SDK1: variants seen among roughly 807,000 people sequenced by gnomAD.
SDK1 encodes the protein protein sidekick-1.
In SDK1, 157 loss-of-function variants were observed where a neutral mutation model predicts 245.5. The observed-to-expected ratio is 0.64, with a 90% CI of 0.56 to 0.73. SDK1 has a LOEUF of 0.73. SDK1 is among the 30% of genes least tolerant of loss of function. The pLI is 0.00. For synonymous variants in SDK1, 1,647 were observed against 1,278.5 expected, an observed-to-expected ratio of 1.29 and a Z score of -6.15; for missense variants, 3,583 against 3,002.3, an observed-to-expected ratio of 1.19 and a Z score of -4.52.
At chr7:3,641,487 A>G (rs1389821544) in intron 3 of SDK1, among the ~76,000 whole-genome samples, 7 of 152,146 alleles carry the variant, frequency 4.6e-5, no homozygotes, top group Admixed American at 6.5e-5. Flanking sequence ...CTCCCAAAAG[A>G]TCTGTGCAGG....
intron 1 of SDK1, among the ~76,000 whole-genome samples, chr7:3,345,071 G>A (rs978002389): frequency 6.6e-6 from 1 of 152,176 alleles, no homozygotes; most frequent in Non-Finnish European, 1.5e-5. Context: ...GTTTATAGAA[G>A]TCTTTGAAGT....
At chr7:3,575,907 A>T (rs1213778653) in intron 1 of SDK1, among the ~76,000 whole-genome samples, 1 of 152,026 alleles carries the variant, frequency 6.6e-6, no homozygotes, top group Non-Finnish European at 1.5e-5. Flanking sequence ...AGCCCAGAGA[A>T]ATAGGAGATG....
At chr7:3,490,294 C>T (rs927243682) in intron 1 of SDK1, among the ~76,000 whole-genome samples, 16 of 152,114 alleles carry the variant, frequency 1.1e-4, no homozygotes, top group African/African-American at 2.7e-4. Context: ...TCACTGATAC[C>T]AATTAGCCGA....
At chr7:3,355,248 A>G (rs1411330512) in intron 1 of SDK1, among the ~76,000 whole-genome samples, 2 of 152,246 alleles carry the variant, frequency 1.3e-5, no homozygotes, top group Admixed American at 6.5e-5. Context: ...ATTCACGTAG[A>G]TTATGGAGTT....
At chr7:4,061,583 A>G (rs1450029784) in intron 19 of SDK1, among the ~76,000 whole-genome samples, 1 of 152,164 alleles carries the variant, frequency 6.6e-6, no homozygotes, top group Non-Finnish European at 1.5e-5. Flanking sequence ...GCGATTCCTC[A>G]GGGATCTAGG....
At chr7:3,355,422 C>T (rs947057536) in intron 1 of SDK1, among the ~76,000 whole-genome samples, 3 of 152,202 alleles carry the variant, frequency 2.0e-5, no homozygotes, top group Non-Finnish European at 2.9e-5. Context: ...CTCAAGCAGT[C>T]TTCCTGCTGC....
intron 1 of SDK1, among the ~76,000 whole-genome samples, chr7:3,401,488 A>G (rs943493711): frequency 6.6e-6 from 1 of 152,162 alleles, no homozygotes; most frequent in Admixed American, 6.5e-5. Context: ...TATTCCATGT[A>G]TGGAACCCAT....
chr7:4,044,348 A>G lies in SDK1; in HGVS notation c.2603-5000A>G, dbSNP rs1428063055. 5.3e-5 allele frequency among the ~76,000 whole-genome samples: 8 copies of G among 152,134 alleles called. 1 individual carries two copies. The South Asian group carries it at 1.7e-3, about 32-fold the overall frequency. ...GCTAGTTTATTAGGACCTGGATCATACTCTATTGGTCAAGCAGTCTCAGAG... is the reference window on the plus strand; with the variant it reads ...GCTAGTTTATTAGGACCTGGATCATGCTCTATTGGTCAAGCAGTCTCAGAG... On this transcript the variant is annotated intron_variant, in intron 17 of 44. Transcript: ENST00000404826.
At chr7:3,645,622 T>C (rs1782810221) in intron 4 of SDK1, among the ~76,000 whole-genome samples, 1 of 152,180 alleles carries the variant, frequency 6.6e-6, no homozygotes, top group East Asian at 1.9e-4. Flanking sequence ...TGTTTAAAAA[T>C]TAAAAAATCT....
At chr7:3,552,307 T>G (rs1034527960) in intron 1 of SDK1, among the ~76,000 whole-genome samples, 1 of 152,098 alleles carries the variant, frequency 6.6e-6, no homozygotes, top group African/African-American at 2.4e-5. Context: ...TCCCAAAGTG[T>G]GGGGATTACA....
At chr7:4,008,527 G>A (rs1047626065) in intron 14 of SDK1, among the ~76,000 whole-genome samples, 3 of 152,170 alleles carry the variant, frequency 2.0e-5, no homozygotes, top group East Asian at 1.9e-4. Flanking sequence ...AACTAATCCC[G>A]GTTGGCTGAA....
chr7:4,180,654 C>G (rs1562399176), intron 35 of SDK1, among the ~76,000 whole-genome samples: 1 of 152,232 alleles, frequency 6.6e-6, no homozygotes, highest in Non-Finnish European at 1.5e-5. Flanking sequence ...ACTTGGCTCA[C>G]AATTCTGCAG....
intron 4 of SDK1, among the ~76,000 whole-genome samples, chr7:3,777,734 C>T (rs569440796): frequency 6.6e-6 from 1 of 152,242 alleles, no homozygotes; most frequent in Non-Finnish European, 1.5e-5. Flanking sequence ...TATTACTTTG[C>T]AATCATTATC....
In SDK1 at chr7:4,268,824, T is replaced by G; in HGVS notation, c.*3440T>G. ...AGCCTGCCCGCTGGGACACGTCTCC[T>G]TCCCGCGTCACCTTCTGGTTTAGGG... On this transcript the variant is annotated 3_prime_UTR_variant, in exon 45 of 45. Transcript: ENST00000404826. 1 of 1,108,780 alleles carries G rather than the reference T, an allele frequency of 9.0e-7. No individual in the cohort carries two copies. The highest frequency in any genetic ancestry group is 1.3e-6 in the Non-Finnish European group (1 of 787,836). 68.7% of individuals were successfully genotyped at this position (1,108,780 alleles called of 1,614,324 possible). A position where few individuals can be genotyped will look rare whatever the true frequency, so the allele number is the denominator to read the frequency against.
intron 14 of SDK1, among the ~76,000 whole-genome samples, chr7:4,009,616 C>T (rs187738044): frequency 1.2e-3 from 183 of 152,316 alleles, no homozygotes; most frequent in Middle Eastern, 3.4e-3. Context: ...CAGCTGGTGG[C>T]GAAGACTGCG....
chr7:3,855,356 A>G lies in SDK1; in HGVS notation c.847+33773A>G, dbSNP rs375938865. Among the ~76,000 whole-genome samples the G allele has an allele frequency of 1.6e-4, 24 of 152,172 alleles. No homozygotes were observed. In the South Asian group the frequency reaches 4.8e-3, roughly 30 times the overall value. On this transcript the variant is annotated intron_variant, in intron 5 of 44. Coordinates refer to ENST00000404826, the MANE Select transcript of SDK1 (RefSeq NM_152744.4). ...AGGAAATGCTGAATAGAACAAGCAG[A>G]AGAGAACTACAGAAAAGGTACATTT...
At chr7:3,479,754 C>T (rs561661141) in intron 1 of SDK1, among the ~76,000 whole-genome samples, 6 of 150,574 alleles carry the variant, frequency 4.0e-5, no homozygotes, top group Admixed American at 4.0e-4. Context: ...CCTAGCTACT[C>T]AGGAAGTTGA....
At chr7:3,586,938 C>T (rs369096962) in intron 1 of SDK1, among the ~76,000 whole-genome samples, 4 of 151,924 alleles carry the variant, frequency 2.6e-5, no homozygotes, top group Non-Finnish European at 4.4e-5. Context: ...TTTTGGTAAG[C>T]GTTGAGAGTG....
At chr7:3,303,006 G>GA (rs1297687480) in intron 1 of SDK1, among the ~76,000 whole-genome samples, 1 of 151,458 alleles carries the variant, frequency 6.6e-6, no homozygotes, top group Admixed American at 6.6e-5. Flanking sequence ...GCTTAACAAC[G>GA]AACTCATACT....
Sources: gnomAD v4.1 joint callset for allele counts (sites outside exome capture counted in the v4.1 genomes callset) on GRCh38, gnomAD v4.1.1 for gene constraint, MANE v1.5 for transcripts, NCBI Gene and HGNC (gene_info 2026-07-23, HGNC 2026-07-21) for gene names.